GCC1: variants seen among roughly 807,000 people sequenced by gnomAD.
The protein encoded by GCC1 is GRIP and coiled-coil domain containing 1, also known as GRIP and coiled-coil domain-containing protein 1.
Under a neutral mutation model 62.5 loss-of-function variants are expected in GCC1, and 36 were observed. That is an observed-to-expected ratio of 0.58 (90% CI 0.44 to 0.76). The LOEUF is 0.76. Ranked by LOEUF, GCC1 falls within the 30% of genes least tolerant of loss-of-function variation. The probability of loss-of-function intolerance (pLI) is 0.00; values close to 1 mark genes in which losing one functional copy is unlikely to be tolerated. For missense variants in GCC1, 885 were observed against 948.3 expected, an observed-to-expected ratio of 0.93 and a Z score of 0.88; for synonymous variants, 391 against 386.8, an observed-to-expected ratio of 1.01 and a Z score of -0.13.
rs148070967 is a variant in GCC1, at chr7:127,583,202, G to A, written c.1140C>T (p.Tyr380=). 4.2e-4 allele frequency: 684 copies of A among 1,613,864 alleles called. 2 individuals carry two copies. Among genetic ancestry groups the A allele is most frequent in the Middle Eastern group, 3.3e-4 (2 of 6,022 alleles). ...ISEVSELLGT[Y]EKAKQKDQLA... is the part of the protein sequence containing the mutation. ...GCTGGTCCTTCTGCTTGGCTTTCTC[G>A]TAGGTGCCTAGCAGCTCAGACACCT... is the stretch of plus-strand genomic sequence containing the variant. Residue 380 remains tyrosine, a synonymous_variant, in exon 2 of 2, where the codon TAC becomes TAT. Transcript: ENST00000321407.
Position 127,582,113 on chromosome 7 carries a change from G to T in GCC1, c.2229C>A (p.Leu743=), listed in dbSNP as rs1562951584. The T allele has an allele frequency of 6.2e-7, 1 of 1,614,164 alleles. No individual in the cohort carries two copies. Among genetic ancestry groups the T allele is most frequent in the African/African-American group, 1.3e-5 (1 of 75,042 alleles). ...LPDSLGRQQT[L]TAILTILHFS... is the part of the protein sequence containing the mutation. ...AGTGCAAGATAGTCAGTATGGCTGT[G>T]AGAGTCTGCTGGCGGCCCAGGGAGT... Residue 743 remains leucine (L), a synonymous_variant, in exon 2 of 2, where the codon CTC becomes CTA. Transcript: ENST00000321407. This position sits in a 1 kb window ranked among gnomAD's most constrained non-coding sequence, Gnocchi z 4.8.
rs1794181294 is a variant in GCC1, at chr7:127,584,884, C to A, written c.299G>T (p.Ser100Ile). 6.2e-7 allele frequency: 1 copy of A among 1,614,176 alleles called. No individual in the cohort carries two copies. The highest frequency in any genetic ancestry group is 1.6e-4 in the Middle Eastern group (1 of 6,062). ...GGTGAGACTGGCCGCAGTATCCAAG[C>A]TAGTGGCGGTCCCAGTGCTATCCTC... Reference protein sequence around the residue: ...HSEDSTGTATSLDTAASLTST... With the variant: ...HSEDSTGTATILDTAASLTST... Residue 100 changes from serine to isoleucine, a missense_variant, in exon 1 of 2, where the codon AGC becomes ATC. Coordinates refer to ENST00000321407, the MANE Select transcript of GCC1 (RefSeq NM_024523.6).
In GCC1 at chr7:127,581,963, C is replaced by G. The variant is rs749391186; in HGVS notation, c.*51G>C. ...GAGGCAGCAGAAACCAGAGCCTGCC[C>G]TTTCCCACATAAAAGAGGCACAGAA... On this transcript the variant is annotated 3_prime_UTR_variant, in exon 2 of 2. Transcript: ENST00000321407. 1.4e-6 allele frequency: 2 copies of G among 1,407,442 alleles called. No homozygotes were observed. Among genetic ancestry groups the G allele is most frequent in the Non-Finnish European group, 2.0e-6 (2 of 1,007,524 alleles). The allele number at this position is 1,407,442 out of a possible 1,614,324, so 87.2% of individuals were successfully genotyped here.
At chr7:127,583,330 CA>C (rs774667459) in intron 1 of GCC1, 21 bp from the exon 2 acceptor site, 2 of 1,548,878 alleles carry the variant, frequency 1.3e-6, no homozygotes, top group East Asian at 2.3e-5. Flanking sequence ...AGGGAACAGA[CA>C]AAAATGCATC....
chr7:127,583,181 G>A lies in GCC1; in HGVS notation c.1161C>T (p.Asp387=), dbSNP rs766556005. The part of the protein sequence containing the change: ...LGTYEKAKQK[D]QLAIQKLKER... ...CCTTCAGCTTCTGAATGGCCAGCTGGTCCTTCTGCTTGGCTTTCTCGTAGG... is the reference window on the plus strand; with the variant it reads ...CCTTCAGCTTCTGAATGGCCAGCTGATCCTTCTGCTTGGCTTTCTCGTAGG... Residue 387 remains aspartate (D), a synonymous_variant, in exon 2 of 2, where the codon GAC becomes GAT. Transcript: ENST00000321407. 1.2e-5 allele frequency: 20 copies of A among 1,613,820 alleles called. No individual in the cohort carries two copies. Among genetic ancestry groups the A allele is most frequent in the Non-Finnish European group, 1.7e-5 (20 of 1,180,022 alleles).
chr7:127,584,554 C>A lies in GCC1; in HGVS notation c.629G>T (p.Arg210Leu), dbSNP rs772436091. 4.5e-5 allele frequency: 72 copies of A among 1,613,940 alleles called. No homozygotes were observed. Among genetic ancestry groups the A allele is most frequent in the Admixed American group, 1.8e-4 (11 of 59,982 alleles). Residue 210 changes from arginine (R) to leucine (L), a missense_variant, in exon 1 of 2, where the codon CGC becomes CTC. By Grantham distance (102) the Arg-to-Leu change is moderately radical. Coordinates refer to ENST00000321407, the MANE Select transcript of GCC1 (RefSeq NM_024523.6). Reference protein sequence around the residue: ...ASNKAEEERARLEGELKGLQE... With the variant: ...ASNKAEEERALLEGELKGLQE... The stretch of plus-strand genomic sequence containing the variant: ...CAGCCCCTTCAATTCTCCCTCCAGG[C>A]GGGCCCTCTCCTCCTCCGCCTTGTT...
rs1416452656 is a variant in GCC1, at chr7:127,582,317, G to A, written c.2025C>T (p.His675=). The A allele has an allele frequency of 6.2e-7, 1 of 1,614,222 alleles. No individual in the cohort carries two copies. Among genetic ancestry groups the A allele is most frequent in the Non-Finnish European group, 8.5e-7 (1 of 1,180,050 alleles). ...GCTGATGCACCTCGACCTCCAGCCT[G>A]TGCTTCTGCTTCCTCAGTGATGTGA... The part of the protein sequence containing the change: ...VEITSLRKQK[H]RLEVEVHQLQ... Residue 675 remains histidine, a synonymous_variant, in exon 2 of 2, where the codon CAC becomes CAT. Transcript: ENST00000321407. The surrounding 1 kb of genome is among the most constrained non-coding windows in gnomAD (Gnocchi z 4.8).
rs927425406 is a variant in GCC1, at chr7:127,581,500, G to C, written c.*514C>G. On this transcript the variant is annotated 3_prime_UTR_variant, in exon 2 of 2. Coordinates refer to ENST00000321407, the MANE Select transcript of GCC1 (RefSeq NM_024523.6). Reference sequence around the variant, plus strand: ...CACTATTCCTTAGCCCTTGGGACTAGTGGATGATATGTCACTATTTCAAAC... The same window carrying C: ...CACTATTCCTTAGCCCTTGGGACTACTGGATGATATGTCACTATTTCAAAC... 2.5e-5 allele frequency: 4 copies of C among 157,456 alleles called. No individual in the cohort carries two copies. The highest frequency in any genetic ancestry group is 6.1e-5 in the Admixed American group (1 of 16,298). The allele number at this position is 157,456 out of a possible 1,614,324, so 9.8% of individuals were successfully genotyped here. A position where few individuals can be genotyped will look rare whatever the true frequency, so the allele number is the denominator to read the frequency against.
In GCC1 at chr7:127,584,555, G is replaced by C; in HGVS notation, c.628C>G (p.Arg210Gly). ...ASNKAEEERA[R>G]LEGELKGLQE... ...AGCCCCTTCAATTCTCCCTCCAGGC[G>C]GGCCCTCTCCTCCTCCGCCTTGTTA... is the stretch of plus-strand genomic sequence containing the variant. The change falls in exon 1 of 2, where the codon CGC (arginine) becomes GGC (glycine). Residue 210 changes from arginine to glycine, a missense_variant. Coordinates refer to ENST00000321407, the MANE Select transcript of GCC1 (RefSeq NM_024523.6). 6.2e-7 allele frequency: 1 copy of C among 1,614,016 alleles called. No individual in the cohort carries two copies. The highest frequency in any genetic ancestry group is 1.1e-5 in the South Asian group (1 of 91,078).
chr7:127,585,595 A>C lies in GCC1; in HGVS notation c.-413T>G. On this transcript the variant is annotated 5_prime_UTR_variant, in exon 1 of 2. Coordinates refer to ENST00000321407, the MANE Select transcript of GCC1 (RefSeq NM_024523.6). ...TCCTAACTAAAGCTGCCTGCCGACA[A>C]CGGCGCTTCCGTGTCCGCTGGAAGT... 1 of 164,622 alleles carries C rather than the reference A, an allele frequency of 6.1e-6. No homozygotes were observed. The highest frequency in any genetic ancestry group is 1.3e-5 in the Non-Finnish European group (1 of 76,476). 10.2% of individuals were successfully genotyped at this position (164,622 alleles called of 1,614,324 possible).
Position 127,585,457 on chromosome 7 carries a change from C to T in GCC1, c.-275G>A, listed in dbSNP as rs779996713. ...TGCGCACTGCCAGGGCTCGTTAGCG[C>T]TGGCCCAGAAGCCGCTCCGCACTCT... On this transcript the variant is annotated 5_prime_UTR_variant, in exon 1 of 2. Coordinates refer to ENST00000321407, the MANE Select transcript of GCC1 (RefSeq NM_024523.6). 3 of 463,866 alleles carry T rather than the reference C, an allele frequency of 6.5e-6. No homozygotes were observed. The highest frequency in any genetic ancestry group is 1.2e-5 in the Non-Finnish European group (3 of 259,840). The allele number at this position is 463,866 out of a possible 1,614,324, so 28.7% of individuals were successfully genotyped here. A position where few individuals can be genotyped will look rare whatever the true frequency, so the allele number is the denominator to read the frequency against.
In GCC1 at chr7:127,582,656, G is replaced by C. The variant is rs767058616; in HGVS notation, c.1686C>G (p.Leu562=). ...GGCACCGCTCCAGCTCCTGCCGGTG[G>C]AGCTGCTGCAGCCGGGCCAGCTCCT... is the stretch of plus-strand genomic sequence containing the variant. The part of the protein sequence containing the change: ...WKQELARLQQ[L]HRQELERCQL... Residue 562 remains leucine, a synonymous_variant, in exon 2 of 2, where the codon CTC becomes CTG. Coordinates refer to ENST00000321407, the MANE Select transcript of GCC1 (RefSeq NM_024523.6). This position sits in a 1 kb window ranked among gnomAD's most constrained non-coding sequence, Gnocchi z 4.8. 1 of 1,613,556 alleles carries C rather than the reference G, an allele frequency of 6.2e-7. No individual in the cohort carries two copies. The highest frequency in any genetic ancestry group is 1.1e-5 in the South Asian group (1 of 91,070).
At chr7:127,583,823 C>G (rs1794166966) in intron 1 of GCC1, among the ~76,000 whole-genome samples, 1 of 152,202 alleles carries the variant, frequency 6.6e-6, no homozygotes, top group Non-Finnish European at 1.5e-5. Flanking sequence ...TTCCTAGAGG[C>G]ACATACCAAC....
In GCC1 at chr7:127,582,732, G is replaced by A; in HGVS notation, c.1610C>T (p.Ser537Phe). The change falls in exon 2 of 2, where the codon TCC becomes TTC. Residue 537 changes from serine to phenylalanine, a missense_variant. Ser to Phe is a radical substitution (Grantham distance 155). Coordinates refer to ENST00000321407, the MANE Select transcript of GCC1 (RefSeq NM_024523.6). The surrounding 1 kb of genome is among the most constrained non-coding windows in gnomAD (Gnocchi z 4.8). Reference protein sequence around the residue: ...LKEKYISLRLSCEELEHQHQQ... With the variant: ...LKEKYISLRLFCEELEHQHQQ... The stretch of plus-strand genomic sequence containing the variant: ...GTGTTGGTGCTCCAGCTCCTCGCAG[G>A]AGAGCCGCAGGGAAATATACTTCTC... 1 of 1,614,122 alleles carries A rather than the reference G, an allele frequency of 6.2e-7. No homozygotes were observed. Among genetic ancestry groups the A allele is most frequent in the Non-Finnish European group, 8.5e-7 (1 of 1,180,026 alleles).
At chr7:127,583,875 G>A (rs1183665139) in intron 1 of GCC1, among the ~76,000 whole-genome samples, 5 of 152,136 alleles carry the variant, frequency 3.3e-5, no homozygotes, top group Non-Finnish European at 7.3e-5. Context: ...CCACTATACT[G>A]CTTCATAGAG....
At chr7:127,583,804 C>T (rs899385670) in intron 1 of GCC1, among the ~76,000 whole-genome samples, 1 of 152,208 alleles carries the variant, frequency 6.6e-6, no homozygotes, top group Admixed American at 6.5e-5. Context: ...CCTTTGCCTT[C>T]GGCCACTCTT....
Position 127,582,015 on chromosome 7 carries a change from C to T in GCC1, c.2327G>A (p.Ter776=). The T allele has an allele frequency of 5.6e-6, 9 of 1,602,286 alleles. No homozygotes were observed. The highest frequency in any genetic ancestry group is 6.8e-6 in the Non-Finnish European group (8 of 1,171,676). ...TTCCAGGAATTCATGAAAATGGCAT[C>T]ATCTCTTGCCAGAAGGCCACCAGCT... The part of the protein sequence containing the change: ...SASWWPSGKR[*] The change falls in exon 2 of 2, where the codon TGA becomes TAA. Residue 776 remains the stop codon, a stop_retained_variant. Transcript: ENST00000321407. The surrounding 1 kb of genome is among the most constrained non-coding windows in gnomAD (Gnocchi z 4.8).
rs373459451 is a variant in GCC1, at chr7:127,585,064, C to T, written c.119G>A (p.Arg40His). 1 of 1,614,176 alleles carries T rather than the reference C, an allele frequency of 6.2e-7. No homozygotes were observed. The highest frequency in any genetic ancestry group is 2.2e-5 in the East Asian group (1 of 44,882). ...CTCCTTCAGCAGGCTTTTATAGGCA[C>T]GGACCACATCCTTGAGCCGTGCCTG... ...QYQARLKDVVRAYKSLLKEKE... is the reference protein window; with the variant it reads ...QYQARLKDVVHAYKSLLKEKE... Residue 40 changes from arginine to histidine, a missense_variant, in exon 1 of 2, where the codon CGT (arginine) becomes CAT (histidine). Arg to His is a conservative substitution (Grantham distance 29, BLOSUM62 0). Transcript: ENST00000321407.
Position 127,584,684 on chromosome 7 carries a change from T to C in GCC1, c.499A>G (p.Thr167Ala). Reference protein sequence around the residue: ...RLHQLKTQLATLTSSLATVTQ... With the variant: ...RLHQLKTQLAALTSSLATVTQ... ...ACTGTAGCCAAAGAACTGGTCAAAG[T>C]AGCCAACTGAGTCTTCAGCTGGTGC... is the stretch of plus-strand genomic sequence containing the variant. The change falls in exon 1 of 2, where the codon ACT becomes GCT. Residue 167 changes from threonine to alanine, a missense_variant. Coordinates refer to ENST00000321407, the MANE Select transcript of GCC1 (RefSeq NM_024523.6). 2 of 1,614,204 alleles carry C rather than the reference T, an allele frequency of 1.2e-6. No individual in the cohort carries two copies. The highest frequency in any genetic ancestry group is 1.7e-6 in the Non-Finnish European group (2 of 1,180,032).
Sources: allele counts gnomAD v4.1 joint callset (sites outside exome capture counted in the v4.1 genomes callset), GRCh38; gene constraint gnomAD v4.1.1; non-coding constraint Gnocchi (gnomAD v3.1); transcripts MANE v1.5; gene names NCBI Gene and HGNC (gene_info 2026-07-23, HGNC 2026-07-21).